The following ADGRD1 variants were observed in gnomAD, a reference collection of about 807,000 sequenced individuals.
ADGRD1 encodes adhesion G protein-coupled receptor D1.
In ADGRD1, 77 loss-of-function variants were observed where a neutral mutation model predicts 113.4. That is an observed-to-expected ratio of 0.68 (90% confidence interval 0.57 to 0.82). The LOEUF is 0.82. ADGRD1 is among the 40% of genes least tolerant of loss of function. The probability of loss-of-function intolerance (pLI) is 0.00; values close to 1 mark genes in which losing one functional copy is unlikely to be tolerated. For synonymous variants in ADGRD1, 474 were observed against 475.0 expected, an observed-to-expected ratio of 1.00 and a Z score of 0.03; for missense variants, 1,036 against 1,139.1, an observed-to-expected ratio of 0.91 and a Z score of 1.30.
At chr12:131,134,958 G>A (rs762770756) in intron 21 of ADGRD1, among the ~76,000 whole-genome samples, 12 of 152,362 alleles carry the variant, frequency 7.9e-5, no homozygotes, top group Admixed American at 2.0e-4. Flanking sequence ...CCTGAGTGAT[G>A]AGGGGTAAAC....
intron 6 of ADGRD1, chr12:130,987,820 T>C (rs1243531646): frequency 5.5e-6 from 1 of 180,300 alleles, no homozygotes; most frequent in African/African-American, 2.4e-5. Flanking sequence ...CCGTGAGACT[T>C]TGGGAAGTCA....
chr12:130,990,581 T>C (rs1427650017), intron 6 of ADGRD1: 1 of 157,864 alleles, frequency 6.3e-6, no homozygotes, highest in Non-Finnish European at 1.4e-5. Flanking sequence ...GGGCCTATTC[T>C]CACTTCATCG....
At chr12:131,082,515 G>T (rs1285684827) in intron 14 of ADGRD1, among the ~76,000 whole-genome samples, 2 of 152,162 alleles carry the variant, frequency 1.3e-5, no homozygotes, top group Non-Finnish European at 2.9e-5. Flanking sequence ...TACCCTTTGT[G>T]TAAGCAGAAG....
At chr12:130,994,346 C>A (rs1425043723) in intron 8 of ADGRD1, 1 of 397,960 alleles carries the variant, frequency 2.5e-6, no homozygotes, top group Non-Finnish European at 5.2e-6. Flanking sequence ...GCGGTGCCTT[C>A]TATGCAGTTA....
rs188998372 is a variant in ADGRD1 at position 131,057,699 on chromosome 12, C to T, written c.1474-19102C>T. Among the ~76,000 whole-genome samples, 59 of 152,256 alleles carry T rather than the reference C, an allele frequency of 3.9e-4. No homozygotes were observed. Among genetic ancestry groups the T allele is most frequent in the Admixed American group, 1.2e-3 (19 of 15,288 alleles). On this transcript the variant is annotated intron_variant, in intron 13 of 24. Coordinates refer to ENST00000261654, the MANE Select transcript of ADGRD1 (RefSeq NM_198827.5). This position sits in a 1 kb window ranked among gnomAD's most constrained non-coding sequence, Gnocchi z 4.2. ...CCATCTAGCACAGTCTCATCTTCAACGTTACATTAATGACATCTGCAAGGA... is the reference window on the plus strand; with the variant it reads ...CCATCTAGCACAGTCTCATCTTCAATGTTACATTAATGACATCTGCAAGGA...
At chr12:131,062,761 T>C (rs545079517) in intron 13 of ADGRD1, among the ~76,000 whole-genome samples, 1 of 152,310 alleles carries the variant, frequency 6.6e-6, no homozygotes, top group East Asian at 1.9e-4. Flanking sequence ...GATATGTCTT[T>C]ATTAGCAAGG....
intron 12 of ADGRD1, among the ~76,000 whole-genome samples, chr12:131,007,831 T>C (rs1593346128): frequency 6.6e-6 from 1 of 152,358 alleles, no homozygotes; most frequent in South Asian, 2.1e-4. Flanking sequence ...TCAGCTCAGG[T>C]GAAGCTCTCT....
chr12:131,140,366 TGAGG>T lies in ADGRD1; in HGVS notation c.*1106_*1109del, dbSNP rs1396882471. 1 of 152,138 alleles carries T rather than the reference TGAGG, an allele frequency of 6.6e-6. No homozygotes were observed. Among genetic ancestry groups the T allele is most frequent in the Non-Finnish European group, 1.5e-5 (1 of 68,054 alleles). 9.4% of individuals were successfully genotyped at this position (152,138 alleles called of 1,614,324 possible). ...CTGGTGACAGCCGTGTCTTCTGTGTTGAGGGAAATTTATGGACTCAGATTCAGCC... is the reference window on the plus strand; with the variant it reads ...CTGGTGACAGCCGTGTCTTCTGTGTTGAAATTTATGGACTCAGATTCAGCC... On this transcript the variant is annotated 3_prime_UTR_variant, in exon 25 of 25. Coordinates refer to ENST00000261654, the MANE Select transcript of ADGRD1 (RefSeq NM_198827.5).
chr12:131,080,110 G>T (rs1885950018), intron 14 of ADGRD1, among the ~76,000 whole-genome samples: 1 of 152,080 alleles, frequency 6.6e-6, no homozygotes, highest in African/African-American at 2.4e-5. Context: ...AACATTTAAT[G>T]CTATATTTTT....
At chr12:131,132,225 GGAT>G (rs1950950121) in intron 21 of ADGRD1, among the ~76,000 whole-genome samples, 1 of 152,196 alleles carries the variant, frequency 6.6e-6, no homozygotes, top group Non-Finnish European at 1.5e-5. Flanking sequence ...GTGCAGAACG[GGAT>G]GATAACAGGT....
intron 20 of ADGRD1, among the ~76,000 whole-genome samples, chr12:131,123,438 C>G (rs1950656152): frequency 6.6e-6 from 1 of 152,128 alleles, no homozygotes; most frequent in African/African-American, 2.4e-5. Context: ...CTCAGCACAG[C>G]TGGCTTGAGG....
At chr12:131,112,642 C>A (rs912644419) in intron 18 of ADGRD1, among the ~76,000 whole-genome samples, 1 of 152,212 alleles carries the variant, frequency 6.6e-6, no homozygotes, top group Non-Finnish European at 1.5e-5. Context: ...CCATGGGGAG[C>A]ACTTTGGAGT....
intron 13 of ADGRD1, among the ~76,000 whole-genome samples, chr12:131,067,257 T>C (rs1039671221): frequency 6.6e-6 from 1 of 152,118 alleles, no homozygotes; most frequent in African/African-American, 2.4e-5. Context: ...GGAAGCTGCA[T>C]TGGTGGTGGT....
chr12:131,003,156 C>A lies in ADGRD1; in HGVS notation c.1027-29C>A. ...GCCCTGGCTGAGTGGGGTGGATTTT[C>A]ATGGCTCCTGGTGCTTGTGTTGCTG... On this transcript the variant is annotated intron_variant, in intron 9 of 24. Transcript: ENST00000261654. The surrounding 1 kb of genome is among the most constrained non-coding windows in gnomAD (Gnocchi z 4.8). 6.4e-7 allele frequency: 1 copy of A among 1,565,888 alleles called. No individual in the cohort carries two copies. Among genetic ancestry groups the A allele is most frequent in the African/African-American group, 1.4e-5 (1 of 74,052 alleles).
chr12:131,116,600 C>T (rs1039056672), intron 18 of ADGRD1, among the ~76,000 whole-genome samples: 1 of 144,098 alleles, frequency 6.9e-6, no homozygotes, highest in African/African-American at 3.0e-5. Flanking sequence ...GAGCAGAAAT[C>T]TCCCAGAACC....
chr12:131,087,752 C>T (rs1460123835), intron 15 of ADGRD1, among the ~76,000 whole-genome samples: 1 of 152,216 alleles, frequency 6.6e-6, no homozygotes, highest in Non-Finnish European at 1.5e-5. Flanking sequence ...TCCCAGTGGC[C>T]CCTCTTCTCC....
rs1401980950 is a variant in ADGRD1 at position 130,971,389 on chromosome 12, GAC to G, written c.188-63_188-62del. On this transcript the variant is annotated intron_variant, in intron 3 of 24. Transcript: ENST00000261654. This position sits in a 1 kb window ranked among gnomAD's most constrained non-coding sequence, Gnocchi z 4.2. ...TTACACATAAGTTATTTGTAGGTCT[GAC>G]ACACATCTTCAGACTTTTAATCTCG... The G allele has an allele frequency of 7.4e-7, 1 of 1,347,252 alleles. No homozygotes were observed. The highest frequency in any genetic ancestry group is 2.4e-5 in the East Asian group (1 of 41,910). 83.5% of individuals were successfully genotyped at this position (1,347,252 alleles called of 1,614,324 possible).
rs1300638254 is a variant in ADGRD1, at chr12:131,139,397, G to T, written c.*134G>T. ...TGGGTGTTGTGGCCCCGAGACAGCT[G>T]TCCTCCCCTGTGACTCTGGCTGTCG... On this transcript the variant is annotated 3_prime_UTR_variant, in exon 25 of 25. Coordinates refer to ENST00000261654, the MANE Select transcript of ADGRD1 (RefSeq NM_198827.5). The T allele has an allele frequency of 3.1e-6, 2 of 652,228 alleles. No homozygotes were observed. Among genetic ancestry groups the T allele is most frequent in the Non-Finnish European group, 5.4e-6 (2 of 367,546 alleles). The allele number at this position is 652,228 out of a possible 1,614,324, so 40.4% of individuals were successfully genotyped here. A position where few individuals can be genotyped will look rare whatever the true frequency, so the allele number is the denominator to read the frequency against.
chr12:131,107,341 G>A (rs1950256703), intron 17 of ADGRD1, among the ~76,000 whole-genome samples: 1 of 151,430 alleles, frequency 6.6e-6, no homozygotes, highest in African/African-American at 2.4e-5. Context: ...AGAGACCTGT[G>A]GCTAAATCCC....
Sources: allele counts gnomAD v4.1 joint callset (sites outside exome capture counted in the v4.1 genomes callset), GRCh38; gene constraint gnomAD v4.1.1; non-coding constraint Gnocchi (gnomAD v3.1); transcripts MANE v1.5; gene names NCBI Gene and HGNC (gene_info 2026-07-23, HGNC 2026-07-21).